The following HEATR5A variants were observed in gnomAD, a reference collection of about 807,000 sequenced individuals.
HEATR5A encodes HEAT repeat-containing protein 5A.
A neutral mutation model predicts 218.8 loss-of-function variants in HEATR5A; 178 were observed. The ratio of observed to expected loss-of-function variants is 0.81; its 90% CI spans 0.72 to 0.92. HEATR5A has a LOEUF of 0.92. HEATR5A is among the 40% of genes least tolerant of loss of function. HEATR5A has a pLI of 0.00. For missense variants in HEATR5A, 2,420 were observed against 2,418.9 expected (o/e 1.00, Z -0.01); for synonymous variants, 864 against 871.6 (o/e 0.99, Z 0.15).
chr14:31,293,116 C>G lies in HEATR5A; in HGVS notation c.*189G>C. The G allele has an allele frequency of 4.3e-6, 2 of 465,918 alleles. No homozygotes were observed. The highest frequency in any genetic ancestry group is 3.7e-6 in the Non-Finnish European group (1 of 268,530). 28.9% of individuals were successfully genotyped at this position (465,918 alleles called of 1,614,324 possible). A position where few individuals can be genotyped will look rare whatever the true frequency, so the allele number is the denominator to read the frequency against. On this transcript the variant is annotated 3_prime_UTR_variant, in exon 36 of 36. Transcript: ENST00000543095. The stretch of plus-strand genomic sequence containing the variant: ...TTTTAAATAGAAAAACAAAACAAAA[C>G]AAAACACAAACCCCACGCACACACA...
chr14:31,343,518 C>T (rs2139204611), intron 21 of HEATR5A, among the ~76,000 whole-genome samples: 1 of 152,182 alleles, frequency 6.6e-6, no homozygotes, highest in Non-Finnish European at 1.5e-5. Flanking sequence ...GTTATTTCTC[C>T]ATCTGGGATG....
chr14:31,323,576 C>A lies in HEATR5A; in HGVS notation c.3776G>T (p.Arg1259Ile), dbSNP rs1555367423. The change falls in exon 24 of 36, where the codon AGA becomes ATA. Residue 1259 changes from arginine to isoleucine, a missense_variant. Physicochemically the swap from Arg to Ile is moderately conservative, Grantham distance 97 (BLOSUM62 -3). Transcript: ENST00000543095. Reference sequence around the variant, plus strand: ...ACTATGTCACTTACTTCTTGAATCTCTTTTTTTCATTTCTTGTGCTAAAGC... The same window carrying A: ...ACTATGTCACTTACTTCTTGAATCTATTTTTTTCATTTCTTGTGCTAAAGC... ...DIALAQEMKK[R>I]DSRNDFLVLH... The A allele has an allele frequency of 6.3e-7, 1 of 1,598,898 alleles. No individual in the cohort carries two copies.
Position 31,292,905 on chromosome 14 carries a change from TG to T in HEATR5A, c.*399del, listed in dbSNP as rs1247398074. The T allele has an allele frequency of 6.4e-6, 1 of 155,958 alleles. No homozygotes were observed. Among genetic ancestry groups the T allele is most frequent in the African/African-American group, 2.4e-5 (1 of 41,530 alleles). 9.7% of individuals were successfully genotyped at this position (155,958 alleles called of 1,614,324 possible). On this transcript the variant is annotated 3_prime_UTR_variant, in exon 36 of 36. Coordinates refer to ENST00000543095, the MANE Select transcript of HEATR5A (RefSeq NM_015473.4). ...CAAAGCAGAATTTTAAATCAGCAATTGGGATACAATATTAGTGCAGATAATT... is the reference window on the plus strand; with the variant it reads ...CAAAGCAGAATTTTAAATCAGCAATTGGATACAATATTAGTGCAGATAATT...
In HEATR5A at chr14:31,394,144, A is replaced by T. The variant is rs751129198; in HGVS notation, c.680T>A (p.Phe227Tyr). ...CCGCACATCATAATTGGAACCTTCA[A>T]AGGACTTAAAACACAGTGTGGCCAC... is the stretch of plus-strand genomic sequence containing the variant. ...DSVATLCFKS[F>Y]EGSNYDVRIS... Residue 227 changes from phenylalanine to tyrosine, a missense_variant, in exon 6 of 36, where the codon TTT becomes TAT. Coordinates refer to ENST00000543095, the MANE Select transcript of HEATR5A (RefSeq NM_015473.4). 76 of 1,534,882 alleles carry T rather than the reference A, an allele frequency of 5.0e-5. No individual in the cohort carries two copies. Among genetic ancestry groups the T allele is most frequent in the Non-Finnish European group, 6.2e-5 (71 of 1,145,878 alleles).
chr14:31,394,518 A>G (rs995214733), intron 5 of HEATR5A, among the ~76,000 whole-genome samples: 2 of 152,048 alleles, frequency 1.3e-5, no homozygotes, highest in African/African-American at 4.8e-5. Flanking sequence ...AATAATTCCA[A>G]CATTAAAAAA....
chr14:31,317,487 G>A (rs954883390), intron 26 of HEATR5A, among the ~76,000 whole-genome samples: 1 of 151,506 alleles, frequency 6.6e-6, no homozygotes, highest in African/African-American at 2.4e-5. Context: ...TAGTAGACTG[G>A]GTTTCACCAT....
intron 26 of HEATR5A, among the ~76,000 whole-genome samples, chr14:31,316,972 G>A (rs1392335532): frequency 6.6e-6 from 1 of 152,138 alleles, no homozygotes; most frequent in African/African-American, 2.4e-5. Context: ...ATAGGAATGA[G>A]CCACTGTGTC....
Position 31,349,933 on chromosome 14 carries a change from C to T in HEATR5A, c.2564G>A (p.Arg855Lys). Residue 855 changes from arginine (R) to lysine (K), a missense_variant, in exon 18 of 36, where the codon AGA becomes AAA. Transcript: ENST00000543095. ...KGCLGPEEMK[R>K]FALTLVMGAL... is the part of the protein sequence containing the mutation. ...TCCCATAACTAATGTTAAGGCAAAT[C>T]TTTTCATTTCTTCTGGACCTAAACA... The T allele has an allele frequency of 5.6e-6, 9 of 1,606,574 alleles. No homozygotes were observed. The highest frequency in any genetic ancestry group is 6.8e-6 in the Non-Finnish European group (8 of 1,176,156).
chr14:31,360,050 T>TAA (rs56352246), intron 14 of HEATR5A, among the ~76,000 whole-genome samples: 18 of 147,086 alleles, frequency 1.2e-4, no homozygotes, highest in Middle Eastern at 6.9e-3. Context: ...TCTCATGTTG[T>TAA]AAAAAAAAAA....
In HEATR5A at chr14:31,395,335, T is replaced by C. The variant is rs1566781392; in HGVS notation, c.461A>G (p.Tyr154Cys). Residue 154 changes from tyrosine (Y) to cysteine (C), a missense_variant, in exon 5 of 36, where the codon TAT becomes TGT. Tyr to Cys is a radical substitution (Grantham distance 194, BLOSUM62 -2). Transcript: ENST00000543095. Reference protein sequence around the residue: ...AMKSAESQGRYEIMLSLQNIL... With the variant: ...AMKSAESQGRCEIMLSLQNIL... ...ATTTTGCAGACTTAGCATAATCTCA[T>C]ATCGGCCTTGAGACTTCCAAAAAGA... The C allele has an allele frequency of 1.1e-5, 17 of 1,518,536 alleles. No homozygotes were observed. The highest frequency in any genetic ancestry group is 1.5e-5 in the Non-Finnish European group (17 of 1,135,716). The allele number at this position is 1,518,536 out of a possible 1,614,324, so 94.1% of individuals were successfully genotyped here. A position where few individuals can be genotyped will look rare whatever the true frequency, so the allele number is the denominator to read the frequency against.
At chr14:31,335,089 G>A (rs1033680520) in intron 22 of HEATR5A, among the ~76,000 whole-genome samples, 2 of 152,120 alleles carry the variant, frequency 1.3e-5, no homozygotes, top group African/African-American at 4.8e-5. Flanking sequence ...TGAAGGCTCA[G>A]ATGATGGTTA....
intron 6 of HEATR5A, among the ~76,000 whole-genome samples, chr14:31,389,502 T>C (rs2030364713): frequency 6.6e-6 from 1 of 152,208 alleles, no homozygotes; most frequent in Admixed American, 6.5e-5. Context: ...ATTCCTTCAG[T>C]CTCTGAAGAA....
chr14:31,330,571 G>A (rs1900430237), intron 22 of HEATR5A, among the ~76,000 whole-genome samples: 1 of 151,950 alleles, frequency 6.6e-6, no homozygotes, highest in Admixed American at 6.6e-5. Context: ...GGTGGATCAC[G>A]AGGTCAAAAG....
rs1285807638 is a variant in HEATR5A, at chr14:31,347,836, A to C, written c.2780T>G (p.Leu927Ter). The C allele has an allele frequency of 3.1e-6, 5 of 1,601,382 alleles. No individual in the cohort carries two copies. Among genetic ancestry groups the C allele is most frequent in the Non-Finnish European group, 4.3e-6 (5 of 1,173,576 alleles). The change falls in exon 19 of 36, where the codon TTA (leucine) becomes TGA (stop). Residue 927 changes from leucine to a stop codon, truncating the protein, a stop_gained. Transcript: ENST00000543095. LOFTEE classifies it high-confidence loss of function. ...SLALGSLHRYLGGISSSQHLN... is the reference protein window; with the variant it reads ...SLALGSLHRY ...GTGTTGAGAAGAACTTATTCCTCCTAAATACCTATGTAGGGACCCCAAGGC... is the reference window on the plus strand; with the variant it reads ...GTGTTGAGAAGAACTTATTCCTCCTCAATACCTATGTAGGGACCCCAAGGC...
intron 1 of HEATR5A, among the ~76,000 whole-genome samples, chr14:31,408,835 G>C (rs1357212283): frequency 6.7e-6 from 1 of 149,822 alleles, no homozygotes; most frequent in East Asian, 2.0e-4. Flanking sequence ...TTTTTATAAA[G>C]ATGGAGTCTT....
chr14:31,318,435 C>T, intron 25 of HEATR5A, 143 bp from the exon 26 acceptor site: 1 of 639,478 alleles, frequency 1.6e-6, no homozygotes, highest in Non-Finnish European at 2.7e-6. Flanking sequence ...GTATCTTCCC[C>T]TGTTTTTAGA....
rs1900982960 is a variant in HEATR5A at position 31,345,240 on chromosome 14, A to C, written c.2905T>G (p.Ser969Ala). ...ALHSLSLIIDSAGPLYYVHVE... is the reference protein window; with the variant it reads ...ALHSLSLIIDAAGPLYYVHVE... ...TGCACATAATAGAGTGGGCCAGCAG[A>C]ATCAATGATCAATGATAGAGAATGT... is the stretch of plus-strand genomic sequence containing the variant. Residue 969 changes from serine (S) to alanine (A), a missense_variant, in exon 20 of 36, where the codon TCT becomes GCT. Coordinates refer to ENST00000543095, the MANE Select transcript of HEATR5A (RefSeq NM_015473.4). 1.2e-6 allele frequency: 2 copies of C among 1,613,204 alleles called. No individual in the cohort carries two copies. The highest frequency in any genetic ancestry group is 4.5e-5 in the East Asian group (2 of 44,852).
rs139527103 is a variant in HEATR5A, at chr14:31,332,846, C to T, written c.3367+4630G>A. 8.9e-3 allele frequency among the ~76,000 whole-genome samples: 1,350 copies of T among 152,094 alleles called. 16 individuals are homozygous for T. The highest frequency in any genetic ancestry group is 0.031 in the African/African-American group (1,283 of 41,484). On this transcript the variant is annotated intron_variant, in intron 22 of 35. Coordinates refer to ENST00000543095, the MANE Select transcript of HEATR5A (RefSeq NM_015473.4). The stretch of plus-strand genomic sequence containing the variant: ...GCCAAAAATACAAAAATTAGCCAGG[C>T]ATGGTGGCGGGCACCTGTAATCCCA...
In HEATR5A at chr14:31,411,685, T is replaced by C. The variant is rs187913312; in HGVS notation, c.-74-8636A>G. On this transcript the variant is annotated intron_variant, in intron 1 of 35. Transcript: ENST00000543095. ...GGGTGTGCAGATAGAGCATTTGATG[T>C]TTCTAAACATGTTTTAACCATAGGC... is the stretch of plus-strand genomic sequence containing the variant. Among the ~76,000 whole-genome samples the C allele has an allele frequency of 3.3e-5, 5 of 152,298 alleles. No homozygotes were observed. In the East Asian group the frequency reaches 5.8e-4, roughly 18 times the overall value.
Sources: allele counts gnomAD v4.1 joint callset (sites outside exome capture counted in the v4.1 genomes callset), GRCh38; gene constraint gnomAD v4.1.1; transcripts MANE v1.5; gene names NCBI Gene and HGNC (gene_info 2026-07-23, HGNC 2026-07-21).